PTPRD: variants seen among roughly 807,000 people sequenced by gnomAD.
PTPRD encodes protein tyrosine phosphatase receptor type D, also known as receptor-type tyrosine-protein phosphatase delta.
Under a neutral mutation model 214.5 loss-of-function variants are expected in PTPRD, and 34 were observed. The observed-to-expected ratio is 0.16, with a 90% CI of 0.12 to 0.21. The LOEUF is 0.21. Ranked by LOEUF, PTPRD falls within the 10% of genes least tolerant of loss-of-function variation. The pLI is 1.00. For missense variants in PTPRD, 2,545 were observed against 2,398.7 expected, an observed-to-expected ratio of 1.06 and a Z score of -1.27; for synonymous variants, 1,128 against 845.7, an observed-to-expected ratio of 1.33 and a Z score of -5.79.
At chr9:9,947,346 A>AATATATATTATATATATTAT (rs1740807734) in intron 4 of PTPRD, among the ~76,000 whole-genome samples, 1 of 43,674 alleles carries the variant, frequency 2.3e-5, no homozygotes, top group African/African-American at 1.2e-4. Context: ...TTATATATAT[A>AATATATATTATATATATTAT]ATATATATTA....
At chr9:9,138,930 C>T (rs1057023163) in intron 10 of PTPRD, among the ~76,000 whole-genome samples, 4 of 152,060 alleles carry the variant, frequency 2.6e-5, no homozygotes, top group African/African-American at 9.7e-5. Context: ...ACCCTAGACA[C>T]TAAGTAATAG....
At chr9:8,994,190 A>G (rs1456007743) in intron 11 of PTPRD, among the ~76,000 whole-genome samples, 1 of 152,128 alleles carries the variant, frequency 6.6e-6, no homozygotes, top group African/African-American at 2.4e-5. Context: ...CCCTCCCTCA[A>G]CCAACTCACT....
At chr9:8,898,297 A>C (rs2098636985) in intron 11 of PTPRD, among the ~76,000 whole-genome samples, 1 of 152,052 alleles carries the variant, frequency 6.6e-6, no homozygotes. Flanking sequence ...TGAGAGCCCC[A>C]GGAATCTCCT....
intron 2 of PTPRD, among the ~76,000 whole-genome samples, chr9:10,546,140 T>G (rs1273309347): frequency 1.2e-4 from 18 of 152,126 alleles, no homozygotes. Context: ...TGAGGGATAG[T>G]ATTGGCCTGT....
At chr9:8,912,120 G>A (rs1262795280) in intron 11 of PTPRD, among the ~76,000 whole-genome samples, 1 of 152,050 alleles carries the variant, frequency 6.6e-6, no homozygotes, top group Non-Finnish European at 1.5e-5. Context: ...GTTAAACATA[G>A]ATTTGGCAGA....
At chr9:9,133,885 A>T (rs999648093) in intron 10 of PTPRD, among the ~76,000 whole-genome samples, 1 of 152,160 alleles carries the variant, frequency 6.6e-6, no homozygotes, top group Middle Eastern at 3.4e-3. Context: ...CCACAACAGC[A>T]CTGAAAGGGA....
intron 14 of PTPRD, among the ~76,000 whole-genome samples, chr9:8,585,362 C>A (rs899966270): frequency 6.6e-6 from 1 of 152,096 alleles, no homozygotes; most frequent in African/African-American, 2.4e-5. Flanking sequence ...TTTCCTGATG[C>A]CCTGGTTCTG....
At chr9:8,549,265 T>C (rs2081280848) in intron 14 of PTPRD, among the ~76,000 whole-genome samples, 1 of 152,048 alleles carries the variant, frequency 6.6e-6, no homozygotes, top group Admixed American at 6.6e-5. Context: ...TAAGGAAAAA[T>C]GGGGTAAGAG....
At chr9:9,628,843 T>C (rs1268525397) in intron 7 of PTPRD, among the ~76,000 whole-genome samples, 2 of 151,808 alleles carry the variant, frequency 1.3e-5, no homozygotes, top group Non-Finnish European at 2.9e-5. Flanking sequence ...AAATATATCA[T>C]AATACATATT....
intron 9 of PTPRD, among the ~76,000 whole-genome samples, chr9:9,288,375 C>T (rs1012057298): frequency 1.3e-5 from 2 of 151,820 alleles, no homozygotes; most frequent in Non-Finnish European, 2.9e-5. Flanking sequence ...TGTCTATTTT[C>T]ATACTTTGTT....
chr9:9,580,885 G>A (rs958947947), intron 7 of PTPRD, among the ~76,000 whole-genome samples: 6 of 151,826 alleles, frequency 4.0e-5, no homozygotes, highest in Admixed American at 3.9e-4. Flanking sequence ...TTTTGTTGTT[G>A]TTGTTAAGTT....
intron 9 of PTPRD, among the ~76,000 whole-genome samples, chr9:9,364,545 G>A (rs947584530): frequency 6.6e-6 from 1 of 151,394 alleles, no homozygotes; most frequent in Non-Finnish European, 1.5e-5. Flanking sequence ...CGAGGGAAGA[G>A]CATTCTATGC....
chr9:9,802,512 G>A (rs1221416821), intron 5 of PTPRD, among the ~76,000 whole-genome samples: 3 of 151,806 alleles, frequency 2.0e-5, no homozygotes, highest in Non-Finnish European at 4.4e-5. Context: ...CTAACATTTG[G>A]ATAATCTCCA....
chr9:10,544,207 A>G (rs2059733997), intron 2 of PTPRD, among the ~76,000 whole-genome samples: 1 of 152,162 alleles, frequency 6.6e-6, no homozygotes, highest in Non-Finnish European at 1.5e-5. Context: ...TCATAAATAT[A>G]TCTTTAAAAT....
intron 4 of PTPRD, among the ~76,000 whole-genome samples, chr9:9,964,971 C>A (rs1414665197): frequency 6.6e-6 from 1 of 151,902 alleles, no homozygotes; most frequent in Non-Finnish European, 1.5e-5. Context: ...TATGTTCATG[C>A]AAAAATAGGA....
At chr9:10,175,680 T>C (rs1022455384) in intron 3 of PTPRD, among the ~76,000 whole-genome samples, 3 of 152,048 alleles carry the variant, frequency 2.0e-5, no homozygotes, top group African/African-American at 7.2e-5. Flanking sequence ...TGAAATATTC[T>C]TTCCATTTGA....
intron 9 of PTPRD, among the ~76,000 whole-genome samples, chr9:9,326,703 A>G (rs1260213658): frequency 1.3e-5 from 2 of 152,116 alleles, no homozygotes; most frequent in Non-Finnish European, 2.9e-5. Context: ...AATAAACTAG[A>G]AAATAAATGT....
chr9:9,237,588 G>A (rs1235719150), intron 9 of PTPRD, among the ~76,000 whole-genome samples: 1 of 152,070 alleles, frequency 6.6e-6, no homozygotes, highest in Non-Finnish European at 1.5e-5. Context: ...CCAAAGCCAG[G>A]AATATTTGCT....
intron 3 of PTPRD, among the ~76,000 whole-genome samples, chr9:10,119,382 T>C (rs1252619948): frequency 3.3e-5 from 5 of 152,034 alleles, no homozygotes; most frequent in Non-Finnish European, 5.9e-5. Context: ...ATTGATCACA[T>C]CTGTTGAGAA....
Sources: allele counts gnomAD v4.1 joint callset (sites outside exome capture counted in the v4.1 genomes callset), GRCh38; gene constraint gnomAD v4.1.1; transcripts MANE v1.5; gene names NCBI Gene and HGNC (gene_info 2026-07-23, HGNC 2026-07-21).